SEL1L2: variants seen among roughly 807,000 people sequenced by gnomAD.
The protein encoded by SEL1L2 is SEL1L2 adaptor subunit of SYVN1 ubiquitin ligase.
A neutral mutation model predicts 98.8 loss-of-function variants in SEL1L2; 89 were observed. The observed-to-expected ratio is 0.90, with a 90% confidence interval of 0.76 to 1.07. The LOEUF is 1.07. SEL1L2 is among the 50% of genes least tolerant of loss of function. SEL1L2 has a pLI of 0.00. For missense variants in SEL1L2, 788 were observed against 812.0 expected, an observed-to-expected ratio of 0.97 and a Z score of 0.36; for synonymous variants, 262 against 278.5, an observed-to-expected ratio of 0.94 and a Z score of 0.59.
chr20:13,977,817 A>G (rs1329809472), intron 1 of SEL1L2, among the ~76,000 whole-genome samples: 1 of 152,206 alleles, frequency 6.6e-6, no homozygotes, highest in Non-Finnish European at 1.5e-5. Flanking sequence ...TTAGATCTGT[A>G]TACTAAAAAT....
rs570682170 is a variant in SEL1L2 at position 13,858,777 on chromosome 20, C to T, written c.1818+485G>A. On this transcript the variant is annotated intron_variant, in intron 18 of 19. Coordinates refer to ENST00000284951, the MANE Select transcript of SEL1L2 (RefSeq NM_025229.2). ...GGACTGGAGATTCACTCTCTTTGGC[C>T]TTTCTAGAGTATCCAGCACTGGGTC... Among the ~76,000 whole-genome samples, 232 of 152,146 alleles carry T rather than the reference C, an allele frequency of 1.5e-3. 1 individual carries two copies. The highest frequency in any genetic ancestry group is 2.8e-3 in the Non-Finnish European group (189 of 68,030).
At chr20:13,882,763 A>AT (rs901333296) in intron 10 of SEL1L2, among the ~76,000 whole-genome samples, 12 of 149,132 alleles carry the variant, frequency 8.0e-5, no homozygotes, top group Non-Finnish European at 1.5e-4. Flanking sequence ...GTTTGGGACT[A>AT]TTTTTTTAAA....
chr20:13,941,088 A>G (rs991499409), intron 2 of SEL1L2, among the ~76,000 whole-genome samples: 1 of 152,216 alleles, frequency 6.6e-6, no homozygotes, highest in Non-Finnish European at 1.5e-5. Context: ...TTGCTTGAAT[A>G]TAATTATTGT....
At chr20:13,852,106 G>C (rs973702972) in intron 18 of SEL1L2, among the ~76,000 whole-genome samples, 4 of 152,202 alleles carry the variant, frequency 2.6e-5, no homozygotes, top group African/African-American at 9.6e-5. Context: ...GATGATAACA[G>C]CTTTCATGCT....
At chr20:13,871,277 A>G (rs892537361) in intron 12 of SEL1L2, among the ~76,000 whole-genome samples, 2 of 152,212 alleles carry the variant, frequency 1.3e-5, no homozygotes, top group Non-Finnish European at 2.9e-5. Context: ...CTTGATGCTA[A>G]ATTAATTACT....
intron 18 of SEL1L2, among the ~76,000 whole-genome samples, chr20:13,855,829 TG>T (rs1989071167): frequency 6.6e-6 from 1 of 152,222 alleles, no homozygotes; most frequent in African/African-American, 2.4e-5. Flanking sequence ...AGCTAGCAGG[TG>T]GATCCAAAGG....
chr20:13,950,844 A>G (rs1479576960), intron 2 of SEL1L2, among the ~76,000 whole-genome samples: 2 of 152,200 alleles, frequency 1.3e-5, no homozygotes, highest in Admixed American at 1.3e-4. Flanking sequence ...CTGAACCAAT[A>G]TAAGTGGACT....
At chr20:13,930,002 G>T (rs2049072014) in intron 3 of SEL1L2, among the ~76,000 whole-genome samples, 1 of 152,186 alleles carries the variant, frequency 6.6e-6, no homozygotes, top group Non-Finnish European at 1.5e-5. Context: ...TGTTGGCCAG[G>T]CTGGTCTCAA....
chr20:13,939,040 GTT>G (rs386365633), intron 2 of SEL1L2, among the ~76,000 whole-genome samples: 68,246 of 114,282 alleles, frequency 0.6, 22,688 homozygotes, highest in East Asian at 0.73. Flanking sequence ...TGCTTGTTTT[GTT>G]TTTTTTTTTT....
chr20:13,937,180 A>G (rs1250091895), intron 2 of SEL1L2, among the ~76,000 whole-genome samples: 1 of 152,234 alleles, frequency 6.6e-6, no homozygotes, highest in Non-Finnish European at 1.5e-5. Context: ...AAGACTCCTC[A>G]GTATCACTGT....
chr20:13,925,822 C>T (rs1016675986), intron 3 of SEL1L2, among the ~76,000 whole-genome samples: 2 of 152,194 alleles, frequency 1.3e-5, no homozygotes, highest in Non-Finnish European at 2.9e-5. Context: ...GTATTTGTAG[C>T]AAGAGGATTT....
intron 1 of SEL1L2, among the ~76,000 whole-genome samples, chr20:13,972,053 G>A (rs2051308746): frequency 6.6e-6 from 1 of 151,952 alleles, no homozygotes; most frequent in Admixed American, 6.6e-5. Context: ...GTGTGTGTGA[G>A]GACACACACA....
chr20:13,869,775 A>G (rs1315967110), intron 13 of SEL1L2, among the ~76,000 whole-genome samples, 185 bp from the exon 14 acceptor site: 6 of 152,094 alleles, frequency 3.9e-5, no homozygotes, highest in African/African-American at 1.4e-4. Flanking sequence ...ATAATGCCTC[A>G]TTTTCATCAT....
rs141300392 is a variant in SEL1L2, at chr20:13,909,440, C to T, written c.549+4342G>A. On this transcript the variant is annotated intron_variant, in intron 5 of 19. Transcript: ENST00000284951. Reference sequence around the variant, plus strand: ...GAAACAGATTTTCCTATAGTGGTGACAGGGATGATAGTCAAAATATAGAAC... The same window carrying T: ...GAAACAGATTTTCCTATAGTGGTGATAGGGATGATAGTCAAAATATAGAAC... Among the ~76,000 whole-genome samples the T allele has an allele frequency of 5.3e-5, 8 of 152,286 alleles. No homozygotes were observed. In the East Asian group the frequency reaches 1.5e-3, roughly 29 times the overall value.
chr20:13,981,363 CAAT>C (rs1229520636), intron 1 of SEL1L2, among the ~76,000 whole-genome samples: 1 of 152,054 alleles, frequency 6.6e-6, no homozygotes, highest in Non-Finnish European at 1.5e-5. Flanking sequence ...TAGATGGTAA[CAAT>C]AAGTTTTAGA....
Position 13,859,467 on chromosome 20 carries a change from A to G in SEL1L2, c.1646-33T>C. 1.9e-6 allele frequency: 3 copies of G among 1,543,200 alleles called. No homozygotes were observed. In the South Asian group the frequency reaches 3.4e-5, roughly 17 times the overall value. ...AAATATTAGAGAAAAAAGAATCATA[A>G]CTCAAATGATTCATGTATAGTTCTC... On this transcript the variant is annotated intron_variant, in intron 17 of 19. Coordinates refer to ENST00000284951, the MANE Select transcript of SEL1L2 (RefSeq NM_025229.2).
chr20:13,868,654 G>C (rs1456281869), intron 14 of SEL1L2, among the ~76,000 whole-genome samples: 1 of 139,184 alleles, frequency 7.2e-6, no homozygotes, highest in Non-Finnish European at 1.5e-5. Context: ...TGCCCATGTT[G>C]GAATGCAGTG....
intron 2 of SEL1L2, among the ~76,000 whole-genome samples, chr20:13,953,679 C>T (rs901960810): frequency 6.6e-6 from 1 of 152,336 alleles, no homozygotes; most frequent in East Asian, 1.9e-4. Context: ...TGTGAGCCCA[C>T]TGGCAGGAAG....
upstream of SEL1L2, among the ~76,000 whole-genome samples, chr20:13,994,267 G>C (rs2052588200): frequency 7.7e-6 from 1 of 129,286 alleles, no homozygotes; most frequent in Non-Finnish European, 1.5e-5. Flanking sequence ...TTGCCCTCCA[G>C]CTGGGGGACA....
Sources: allele counts gnomAD v4.1 joint callset (sites outside exome capture counted in the v4.1 genomes callset), GRCh38; gene constraint gnomAD v4.1.1; transcripts MANE v1.5; gene names NCBI Gene and HGNC (gene_info 2026-07-23, HGNC 2026-07-21).